The following FAM13A variants were observed in gnomAD, a reference collection of about 807,000 sequenced individuals.
FAM13A encodes protein FAM13A.
Under a neutral mutation model 129.6 loss-of-function variants are expected in FAM13A, and 76 were observed. The ratio of observed to expected loss-of-function variants is 0.59; its 90% CI spans 0.49 to 0.71. The LOEUF is 0.71. FAM13A is among the 30% of genes least tolerant of loss of function. The pLI is 0.00. For missense variants in FAM13A, 1,108 were observed against 1,249.3 expected, an observed-to-expected ratio of 0.89 and a Z score of 1.70; for synonymous variants, 443 against 449.9, an observed-to-expected ratio of 0.98 and a Z score of 0.20.
chr4:88,751,063 G>GAA (rs1169399125), intron 14 of FAM13A, among the ~76,000 whole-genome samples: 85 of 152,306 alleles, frequency 5.6e-4, no homozygotes, highest in African/African-American at 1.9e-3. Flanking sequence ...CCAACATGGT[G>GAA]AAACTCTATC....
intron 11 of FAM13A, among the ~76,000 whole-genome samples, chr4:88,772,484 C>T (rs1720877122): frequency 6.6e-6 from 1 of 152,142 alleles, no homozygotes. Flanking sequence ...TCTGGTACAA[C>T]CATGTAACTA....
intron 6 of FAM13A, among the ~76,000 whole-genome samples, chr4:88,890,539 T>A (rs1252741459): frequency 1.3e-5 from 2 of 152,268 alleles, no homozygotes; most frequent in East Asian, 3.9e-4. Context: ...ATAATTAAGC[T>A]TCAATATCAC....
At chr4:88,818,684 T>C (rs972399969) in intron 7 of FAM13A, among the ~76,000 whole-genome samples, 3 of 152,156 alleles carry the variant, frequency 2.0e-5, no homozygotes, top group Non-Finnish European at 2.9e-5. Context: ...ACACAACCCA[T>C]AGGCACTGGC....
Position 88,795,387 on chromosome 4 carries a change from G to A in FAM13A, c.1050-4760C>T, listed in dbSNP as rs985821018. Among the ~76,000 whole-genome samples the A allele has an allele frequency of 4.6e-5, 7 of 151,658 alleles. No individual in the cohort carries two copies. The South Asian group carries it at 6.2e-4, about 14-fold the overall frequency. ...TCTAACAAATCAAATATAACCCATC[G>A]AAATGTCAGAATACTCATCTTTTAT... On this transcript the variant is annotated intron_variant, in intron 8 of 23. Coordinates refer to ENST00000264344, the MANE Select transcript of FAM13A (RefSeq NM_014883.4).
chr4:89,016,564 A>G (rs945292827), intron 3 of FAM13A, among the ~76,000 whole-genome samples: 5 of 152,288 alleles, frequency 3.3e-5, no homozygotes, highest in Admixed American at 3.3e-4. Flanking sequence ...TTCATGGTAA[A>G]TGCCCTATAC....
intron 3 of FAM13A, among the ~76,000 whole-genome samples, chr4:88,992,258 C>T (rs1763003026): frequency 7.3e-6 from 1 of 136,584 alleles, no homozygotes; most frequent in Non-Finnish European, 1.5e-5. Context: ...GAATGAATAA[C>T]TTTTTTTTCT....
At chr4:88,809,144 A>T (rs1321297008) in intron 7 of FAM13A, among the ~76,000 whole-genome samples, 4 of 152,178 alleles carry the variant, frequency 2.6e-5, no homozygotes, top group African/African-American at 9.7e-5. Context: ...ATTATACAGC[A>T]AGCTAAAGGA....
intron 13 of FAM13A, chr4:88,759,152 G>C (rs1744302987): frequency 2.4e-6 from 1 of 415,138 alleles, no homozygotes; most frequent in South Asian, 4.4e-5. Flanking sequence ...GCAGCTGACA[G>C]TCTTGGTGAT....
At chr4:88,920,342 C>G (rs1383138417) in intron 5 of FAM13A, among the ~76,000 whole-genome samples, 2 of 151,988 alleles carry the variant, frequency 1.3e-5, no homozygotes, top group Non-Finnish European at 2.9e-5. Flanking sequence ...GGGTACTCCT[C>G]TGAGACAAAA....
intron 23 of FAM13A, chr4:88,729,513 A>G (rs1737175617): frequency 6.6e-6 from 1 of 152,228 alleles, no homozygotes; most frequent in Non-Finnish European, 1.5e-5. Context: ...ACCTAAAAAT[A>G]AACTGATCTT....
intron 8 of FAM13A, among the ~76,000 whole-genome samples, chr4:88,799,809 C>T (rs1727061168): frequency 1.3e-5 from 2 of 152,186 alleles, no homozygotes; most frequent in Non-Finnish European, 2.9e-5. Context: ...TGAGTATATA[C>T]CCAACAGAAA....
chr4:88,835,374 T>A (rs1452291176), intron 7 of FAM13A, among the ~76,000 whole-genome samples: 4 of 152,164 alleles, frequency 2.6e-5, no homozygotes, highest in Non-Finnish European at 5.9e-5. Context: ...CAATTGCAAG[T>A]CACAAAGCAG....
At chr4:89,047,794 C>G (rs924689486) in intron 1 of FAM13A, among the ~76,000 whole-genome samples, 1 of 152,168 alleles carries the variant, frequency 6.6e-6, no homozygotes. Context: ...ACATAAAGAA[C>G]TTTTATAATT....
intron 1 of FAM13A, 105 bp downstream of exon 1, chr4:89,056,833 G>C: frequency 8.9e-7 from 1 of 1,124,362 alleles, no homozygotes; most frequent in Non-Finnish European, 1.3e-6. Context: ...CACCTCCTGG[G>C]AAGGAAAAAT....
intron 23 of FAM13A, chr4:88,729,347 A>G (rs1737130461): frequency 6.6e-6 from 1 of 152,240 alleles, no homozygotes; most frequent in Non-Finnish European, 1.5e-5. Context: ...AGGAAATCAG[A>G]TAACTTGCCT....
rs1189281347 is a variant in FAM13A, at chr4:88,947,824, A to G, written c.606-9583T>C. ...AAATTTGTTACAATTTTGTGTTTTG[A>G]TGAGTAAAGTTGAAAGTCATAGATA... On this transcript the variant is annotated intron_variant, in intron 4 of 23. Coordinates refer to ENST00000264344, the MANE Select transcript of FAM13A (RefSeq NM_014883.4). 2.7e-5 allele frequency among the ~76,000 whole-genome samples: 4 copies of G among 149,082 alleles called. No individual in the cohort carries two copies. In the Admixed American group the frequency reaches 2.8e-4, roughly 10 times the overall value.
intron 4 of FAM13A, 129 bp downstream of exon 4, chr4:88,990,844 T>C (rs896665157): frequency 4.4e-6 from 3 of 683,080 alleles, no homozygotes; most frequent in South Asian, 2.2e-5. Flanking sequence ...AAGAACAAGA[T>C]ACAACTTCTC....
At chr4:88,948,404 G>A (rs573229089) in intron 4 of FAM13A, among the ~76,000 whole-genome samples, 2 of 152,092 alleles carry the variant, frequency 1.3e-5, no homozygotes, top group Non-Finnish European at 2.9e-5. Context: ...TCAGAAAACA[G>A]TCAGAAGTTA....
chr4:88,840,412 T>C (rs11097200), intron 7 of FAM13A, among the ~76,000 whole-genome samples: 111,483 of 152,108 alleles, frequency 0.73, 42,101 homozygotes, highest in East Asian at 0.95. Flanking sequence ...ATGTTGAGAG[T>C]TATTTATTGC....
Sources: allele counts gnomAD v4.1 joint callset (sites outside exome capture counted in the v4.1 genomes callset), GRCh38; gene constraint gnomAD v4.1.1; transcripts MANE v1.5; gene names NCBI Gene and HGNC (gene_info 2026-07-23, HGNC 2026-07-21).